Variants in ZFP64 observed in about 807,000 individuals in gnomAD.
ZFP64 encodes the protein zinc finger protein 64.
ZFP64 carries 14 observed loss-of-function variants against 51.6 expected under a neutral mutation model. That is an observed-to-expected ratio of 0.27 (90% CI 0.18 to 0.42). The LOEUF (loss-of-function observed/expected upper bound fraction) is 0.42. Among genes scored for constraint, ZFP64 ranks in the 10% least tolerant of loss-of-function variants. The pLI is 1.00. For missense variants in ZFP64, 754 were observed against 906.8 expected (o/e 0.83, Z 2.16); for synonymous variants, 375 against 361.4 (o/e 1.04, Z -0.43).
At chr20:52,104,903 G>A (rs1978297346) in intron 5 of ZFP64, 3 of 673,830 alleles carry the variant, frequency 4.5e-6, no homozygotes, top group Non-Finnish European at 8.0e-6. Context: ...TAGCTCTTGA[G>A]AGGAGTGGCT....
At chr20:52,106,207 C>T (rs1179304208) in intron 5 of ZFP64, among the ~76,000 whole-genome samples, 1 of 152,176 alleles carries the variant, frequency 6.6e-6, no homozygotes, top group Non-Finnish European at 1.5e-5. Context: ...AGCTAATTAG[C>T]GTTCATGCTC....
At position 52,151,396 on chromosome 20, in the gene ZFP64, C is replaced by T; in HGVS notation, c.*750G>A. ...ATTATGTAGAAAATGGTCCTTCATG[C>T]CAACAGACTTACATGTATAAAACAT... On this transcript the variant is annotated 3_prime_UTR_variant, in exon 6 of 6. Transcript: ENST00000216923. 1.0e-6 allele frequency: 1 copy of T among 985,250 alleles called. No individual in the cohort carries two copies. Among genetic ancestry groups the T allele is most frequent in the Non-Finnish European group, 1.2e-6 (1 of 829,914 alleles). The allele number at this position is 985,250 out of a possible 1,614,324, so 61.0% of individuals were successfully genotyped here.
downstream of ZFP64, among the ~76,000 whole-genome samples, chr20:52,150,658 AAAG>A (rs760745843): frequency 4.6e-5 from 7 of 152,366 alleles, no homozygotes; most frequent in South Asian, 6.2e-4. Flanking sequence ...CAGATCAAAG[AAAG>A]AAGAATAAAA....
rs560856709 is a variant in ZFP64, at chr20:52,085,051, G to T, written c.1444C>A (p.Leu482Ile). 1 of 1,614,086 alleles carries T rather than the reference G, an allele frequency of 6.2e-7. No homozygotes were observed. The highest frequency in any genetic ancestry group is 8.5e-7 in the Non-Finnish European group (1 of 1,180,036). ...TGGTGCAGCCGGCTGTGCTCCAGGAGGTCAGCCCGGTCCCGGCCCTGGAAG... is the reference window on the plus strand; with the variant it reads ...TGGTGCAGCCGGCTGTGCTCCAGGATGTCAGCCCGGTCCCGGCCCTGGAAG... The change falls in exon 9 of 9, where the codon CTC becomes ATC. Residue 482 changes from leucine (L) to isoleucine (I), a missense_variant. By Grantham distance (5) the Leu-to-Ile change is conservative (BLOSUM62 2). Coordinates refer to the ZFP64 transcript ENST00000361387. The surrounding 1 kb of genome is among the most constrained non-coding windows in gnomAD (Gnocchi z 4.3).
intron 7 of ZFP64, chr20:52,096,961 T>G: frequency 2.1e-6 from 1 of 479,862 alleles, no homozygotes. Flanking sequence ...CAACTACCTC[T>G]TGTAAGGCCA....
At chr20:52,121,631 G>T (rs1979195722) in intron 5 of ZFP64, among the ~76,000 whole-genome samples, 1 of 124,404 alleles carries the variant, frequency 8.0e-6, no homozygotes, top group Non-Finnish European at 1.8e-5. Flanking sequence ...ACACAAAAGT[G>T]CAAGGTGAAG....
At chr20:52,107,856 G>A (rs8121052) in intron 5 of ZFP64, among the ~76,000 whole-genome samples, 5,222 of 152,320 alleles carry the variant, frequency 0.034, 324 homozygotes, top group African/African-American at 0.12. Context: ...TCTCGTGAGT[G>A]AGTGTGTACC....
chr20:52,131,691 A>G (rs1019499920), intron 5 of ZFP64, among the ~76,000 whole-genome samples: 1 of 152,244 alleles, frequency 6.6e-6, no homozygotes, highest in Non-Finnish European at 1.5e-5. Flanking sequence ...ATATATATGC[A>G]TCCAACTCTG....
At position 52,153,554 on chromosome 20, in the gene ZFP64, T is replaced by C. The variant is rs1408895569; in HGVS notation, c.764-126A>G. On this transcript the variant is annotated intron_variant, in intron 5 of 5. Coordinates refer to ENST00000216923, the MANE Select transcript of ZFP64 (RefSeq NM_018197.3). This position sits in a 1 kb window ranked among gnomAD's most constrained non-coding sequence, Gnocchi z 5.1. ...GTGCAGACCTCCTAACTGCAGCTTC[T>C]AGCAGCCCCTGGCAGTGGGGGAAGA... The C allele has an allele frequency of 3.7e-6, 5 of 1,367,376 alleles. No homozygotes were observed. Among genetic ancestry groups the C allele is most frequent in the African/African-American group, 2.9e-5 (2 of 68,530 alleles). 84.7% of individuals were successfully genotyped at this position (1,367,376 alleles called of 1,614,324 possible). A position where few individuals can be genotyped will look rare whatever the true frequency, so the allele number is the denominator to read the frequency against.
Position 52,152,344 on chromosome 20 carries a change from G to A in ZFP64, c.1848C>T (p.Gly616=). Residue 616 remains glycine (G), a synonymous_variant, in exon 6 of 6, where the codon GGC becomes GGT. Transcript: ENST00000216923. ...TCCCCTCCTGAATCAAGGCGTTTAG[G>A]CCTTCAAAGTCAGTGCAAGTAATAC... ...SSGITCTDFE[G]LNALIQEGTA... 6.2e-7 allele frequency: 1 copy of A among 1,614,166 alleles called. No homozygotes were observed. Among genetic ancestry groups the A allele is most frequent in the Non-Finnish European group, 8.5e-7 (1 of 1,180,038 alleles).
At chr20:52,155,984 T>G (rs1394101720) in intron 5 of ZFP64, among the ~76,000 whole-genome samples, 1 of 152,352 alleles carries the variant, frequency 6.6e-6, no homozygotes, top group Admixed American at 6.5e-5. Flanking sequence ...ACGAAGACCA[T>G]GCATAAATGG....
chr20:52,098,439 T>G, exon 6 of ZFP64: 1 of 1,613,970 alleles, frequency 6.2e-7, no homozygotes, highest in South Asian at 1.1e-5. Context: ...TACTCTTACC[T>G]GGGTAGCAAC....
At chr20:52,126,696 T>C (rs1339069302) in intron 5 of ZFP64, among the ~76,000 whole-genome samples, 3 of 152,218 alleles carry the variant, frequency 2.0e-5, no homozygotes, top group Non-Finnish European at 4.4e-5. Flanking sequence ...ACAAAATGAA[T>C]AGAATTCTCT....
At position 52,186,920 on chromosome 20, in the gene ZFP64, C is replaced by A; in HGVS notation, c.198G>T (p.Thr66=). 4 of 1,613,984 alleles carry A rather than the reference C, an allele frequency of 2.5e-6. No individual in the cohort carries two copies. Among genetic ancestry groups the A allele is most frequent in the Non-Finnish European group, 3.4e-6 (4 of 1,179,950 alleles). ...CTGTTTCCTCCGATACAAACTGGACCGTGCTGGGGGCTGCTGCGGATGTGC... is the reference window on the plus strand; with the variant it reads ...CTGTTTCCTCCGATACAAACTGGACAGTGCTGGGGGCTGCTGCGGATGTGC... ...LTGTSAAAPS[T]VQFVSEETVP... is the part of the protein sequence containing the mutation. The change falls in exon 2 of 6, where the codon ACG becomes ACT. Residue 66 remains threonine, a synonymous_variant. Transcript: ENST00000216923.
intron 5 of ZFP64, chr20:52,110,970 C>T (rs12624819): frequency 0.22 from 329,642 of 1,507,056 alleles, 37,960 homozygotes; most frequent in Admixed American, 0.33. Context: ...CCAAGACGAA[C>T]CTGCTTTTGG....
chr20:52,178,107 C>T (rs1314279157), intron 2 of ZFP64, among the ~76,000 whole-genome samples: 1 of 152,058 alleles, frequency 6.6e-6, no homozygotes, highest in African/African-American at 2.4e-5. Flanking sequence ...CCAACCACTC[C>T]CTGGCTGGTT....
At chr20:52,183,131 C>A (rs1387345078) in intron 2 of ZFP64, among the ~76,000 whole-genome samples, 1 of 152,082 alleles carries the variant, frequency 6.6e-6, no homozygotes, top group Non-Finnish European at 1.5e-5. Flanking sequence ...ATCATGGCTG[C>A]TGCAATATAG....
chr20:52,187,091 A>G lies in ZFP64; in HGVS notation c.47-20T>C. ...CTGGAACTCCATGGGACAAAGGGAA[A>G]GTAACGGATTAATTCCAAACAGCTT... On this transcript the variant is annotated intron_variant, in intron 1 of 5. Coordinates refer to ENST00000216923, the MANE Select transcript of ZFP64 (RefSeq NM_018197.3). 1 of 1,591,330 alleles carries G rather than the reference A, an allele frequency of 6.3e-7. No individual in the cohort carries two copies. Among genetic ancestry groups the G allele is most frequent in the Non-Finnish European group, 8.6e-7 (1 of 1,162,530 alleles).
At chr20:52,121,443 G>A (rs1383321122) in intron 5 of ZFP64, among the ~76,000 whole-genome samples, 1 of 152,196 alleles carries the variant, frequency 6.6e-6, no homozygotes, top group East Asian at 1.9e-4. Context: ...TAGTCATCTG[G>A]ACGGAGGGTC....
Sources: gnomAD v4.1 joint callset for allele counts (sites outside exome capture counted in the v4.1 genomes callset) on GRCh38, gnomAD v4.1.1 for gene constraint, Gnocchi (gnomAD v3.1) non-coding constraint, MANE v1.5 for transcripts, NCBI Gene and HGNC (gene_info 2026-07-23, HGNC 2026-07-21) for gene names.